Variants in RIMKLB observed in about 807,000 individuals in gnomAD.
The protein encoded by RIMKLB is ribosomal modification protein rimK like family member B.
Under a neutral mutation model 32.0 loss-of-function variants are expected in RIMKLB, and 7 were observed. That is an observed-to-expected ratio of 0.22 (90% CI 0.12 to 0.41). The LOEUF (loss-of-function observed/expected upper bound fraction) is 0.41, where lower values mean the gene tolerates loss of function less well. RIMKLB is among the 10% of genes least tolerant of loss of function. RIMKLB has a pLI of 1.00. For missense variants in RIMKLB, 289 were observed against 498.7 expected (o/e 0.58, Z 4.00); for synonymous variants, 172 against 185.1 (o/e 0.93, Z 0.57).
chr12:8,752,381 G>A (rs762291117), intron 4 of RIMKLB, among the ~76,000 whole-genome samples: 3 of 152,212 alleles, frequency 2.0e-5, no homozygotes, highest in East Asian at 3.9e-4. Context: ...GTGAAACCTC[G>A]CCTCAACTAA....
In RIMKLB at chr12:8,774,053, GTGTAT is replaced by G. The variant is rs1349332855; in HGVS notation, c.*270_*274del. ...TTACCCTTTTAAATTGCTAAAAAAT[GTGTAT>G]GCTCATAGGCCATGAGGAACAAATA... is the stretch of plus-strand genomic sequence containing the variant. On this transcript the variant is annotated 3_prime_UTR_variant, in exon 6 of 6. Coordinates refer to ENST00000535829, the MANE Select transcript of RIMKLB (RefSeq NM_001297776.2). 8.2e-7 allele frequency: 1 copy of G among 1,226,546 alleles called. No homozygotes were observed. The highest frequency in any genetic ancestry group is 1.0e-6 in the Non-Finnish European group (1 of 981,204). The allele number at this position is 1,226,546 out of a possible 1,614,324, so 76.0% of individuals were successfully genotyped here.
At chr12:8,761,810 T>C (rs1195039451) in intron 5 of RIMKLB, among the ~76,000 whole-genome samples, 10 of 152,152 alleles carry the variant, frequency 6.6e-5, no homozygotes, top group Admixed American at 5.2e-4. Flanking sequence ...TTTTAACTGC[T>C]TCCTGCTGAA....
intron 1 of RIMKLB, among the ~76,000 whole-genome samples, chr12:8,704,395 A>T (rs1943667493): frequency 1.3e-5 from 2 of 152,196 alleles, no homozygotes; most frequent in South Asian, 4.2e-4. Context: ...AAAAAAAAAA[A>T]ATTGATTTGG....
intron 2 of RIMKLB, among the ~76,000 whole-genome samples, chr12:8,733,839 A>G (rs779843552): frequency 1.3e-5 from 2 of 152,318 alleles, no homozygotes; most frequent in South Asian, 2.1e-4. Flanking sequence ...AGCTATGACC[A>G]TTGCACTCTA....
At chr12:8,773,062 A>G (rs1367577036) in intron 5 of RIMKLB, among the ~76,000 whole-genome samples, 1 of 134,154 alleles carries the variant, frequency 7.5e-6, no homozygotes, top group Non-Finnish European at 1.5e-5. Flanking sequence ...ACTTCCTTAT[A>G]CTTGGTTTAT....
chr12:8,695,524 A>G (rs1942860961), upstream of RIMKLB, among the ~76,000 whole-genome samples: 1 of 152,106 alleles, frequency 6.6e-6, no homozygotes, highest in South Asian at 2.1e-4. Context: ...CATTATCTTA[A>G]CAATATCATG....
At chr12:8,745,286 A>G (rs1294179268) in intron 2 of RIMKLB, among the ~76,000 whole-genome samples, 2 of 150,670 alleles carry the variant, frequency 1.3e-5, no homozygotes, top group East Asian at 2.0e-4. Flanking sequence ...TTTTCCTTTA[A>G]GTTTTACTTT....
chr12:8,711,976 T>C (rs1027246346), intron 1 of RIMKLB, among the ~76,000 whole-genome samples: 8 of 152,206 alleles, frequency 5.3e-5, no homozygotes, highest in Admixed American at 6.5e-5. Context: ...AGGTTTGCAC[T>C]GTACCTTTCC....
At chr12:8,737,481 C>T (rs1223733679) in intron 2 of RIMKLB, among the ~76,000 whole-genome samples, 2 of 152,106 alleles carry the variant, frequency 1.3e-5, no homozygotes, top group African/African-American at 4.8e-5. Flanking sequence ...TTAAGGTCTT[C>T]CAAGTTTCCT....
At chr12:8,710,203 A>G (rs998784661) in intron 1 of RIMKLB, among the ~76,000 whole-genome samples, 3 of 150,616 alleles carry the variant, frequency 2.0e-5, no homozygotes, top group Non-Finnish European at 3.0e-5. Flanking sequence ...CATGTCAGCC[A>G]GGCTGGTCTT....
rs923699652 is a variant in RIMKLB, at chr12:8,698,252, G to A, written c.-102G>A. 8.1e-6 allele frequency: 3 copies of A among 370,050 alleles called. No homozygotes were observed. Among genetic ancestry groups the A allele is most frequent in the Admixed American group, 3.1e-5 (1 of 32,764 alleles). 22.9% of individuals were successfully genotyped at this position (370,050 alleles called of 1,614,324 possible). A position where few individuals can be genotyped will look rare whatever the true frequency, so the allele number is the denominator to read the frequency against. On this transcript the variant is annotated 5_prime_UTR_variant, in exon 1 of 6. Coordinates refer to ENST00000535829, the MANE Select transcript of RIMKLB (RefSeq NM_001297776.2). Reference sequence around the variant, plus strand: ...GGCCCGCGCTTCCTCGAAGGCCCCAGCCCGGCTCAGTCGGCCGAGAGCGAG... The same window carrying A: ...GGCCCGCGCTTCCTCGAAGGCCCCAACCCGGCTCAGTCGGCCGAGAGCGAG...
chr12:8,742,620 C>A, intron 2 of RIMKLB: 1 of 273,706 alleles, frequency 3.7e-6, no homozygotes, highest in Non-Finnish European at 7.1e-6. Context: ...CTGGCAGCTC[C>A]TTCTGTTGTT....
chr12:8,735,177 G>C (rs1331004951), intron 2 of RIMKLB, among the ~76,000 whole-genome samples: 2 of 152,200 alleles, frequency 1.3e-5, no homozygotes, highest in Admixed American at 1.3e-4. Flanking sequence ...GATGTCAGCT[G>C]TGGGGTATTG....
chr12:8,674,572 C>T, the RIMKLB span, among the ~76,000 whole-genome samples: 4 of 151,588 alleles, frequency 2.6e-5, no homozygotes, highest in East Asian at 1.9e-4. Context: ...ACCAGGGGTC[C>T]GGCGTCTCGC....
intron 2 of RIMKLB, among the ~76,000 whole-genome samples, chr12:8,738,931 A>G (rs2969097): frequency 0.48 from 72,954 of 152,062 alleles, 18,058 homozygotes; most frequent in African/African-American, 0.6. Context: ...GGTAAGACAG[A>G]CAAGGACAGT....
chr12:8,704,174 G>A (rs183446106), intron 1 of RIMKLB, among the ~76,000 whole-genome samples: 2 of 152,282 alleles, frequency 1.3e-5, no homozygotes, highest in Middle Eastern at 3.4e-3. Flanking sequence ...TTGGGGTCAG[G>A]AGTTTGAGAC....
intron 5 of RIMKLB, among the ~76,000 whole-genome samples, chr12:8,760,792 G>GT: frequency 6.6e-6 from 1 of 152,226 alleles, no homozygotes; most frequent in East Asian, 1.9e-4. Context: ...TGATAGGGTT[G>GT]TTTTTTTCTT....
chr12:8,671,579 T>C, the RIMKLB span, among the ~76,000 whole-genome samples: 9 of 151,984 alleles, frequency 5.9e-5, no homozygotes, highest in Non-Finnish European at 1.0e-4. Context: ...CACAGTCAGG[T>C]TGCAAATTTT....
intron 5 of RIMKLB, among the ~76,000 whole-genome samples, chr12:8,771,275 G>A (rs1322339918): frequency 6.6e-6 from 1 of 152,110 alleles, no homozygotes; most frequent in Non-Finnish European, 1.5e-5. Flanking sequence ...TTCCTCCAGG[G>A]TATGGGGCAG....
Sources: allele counts gnomAD v4.1 joint callset (sites outside exome capture counted in the v4.1 genomes callset), GRCh38; gene constraint gnomAD v4.1.1; transcripts MANE v1.5; gene names NCBI Gene and HGNC (gene_info 2026-07-23, HGNC 2026-07-21).